SLC38A9: variants seen among roughly 807,000 people sequenced by gnomAD.
SLC38A9 encodes the protein solute carrier family 38 member 9.
A neutral mutation model predicts 62.3 loss-of-function variants in SLC38A9; 48 were observed. That is an observed-to-expected ratio of 0.77 (90% CI 0.61 to 0.98). The LOEUF (loss-of-function observed/expected upper bound fraction) is 0.98. Among genes scored for constraint, SLC38A9 ranks in the 50% least tolerant of loss-of-function variants. SLC38A9 has a pLI of 0.00. For synonymous variants in SLC38A9, 204 were observed against 227.7 expected (o/e 0.90, Z 0.94); for missense variants, 541 against 679.8 (o/e 0.80, Z 2.27).
At chr5:55,711,259 C>G (rs891417089) in intron 2 of SLC38A9, 193 bp downstream of exon 2, 1 of 151,334 alleles carries the variant, frequency 6.6e-6, no homozygotes, top group African/African-American at 2.4e-5. Context: ...CTCCACTGCA[C>G]TCCAGCCTGG....
Position 55,635,536 on chromosome 5 carries a change from T to C in SLC38A9, c.1281+8A>G. On this transcript the variant is annotated splice_region_variant and intron_variant, in intron 13 of 15. Transcript: ENST00000396865. ...ACAATCACACAGAGAGGGTACACGGTGCCTTACCTGCTCAATACAATCTTT... is the reference window on the plus strand; with the variant it reads ...ACAATCACACAGAGAGGGTACACGGCGCCTTACCTGCTCAATACAATCTTT... 1 of 1,585,100 alleles carries C rather than the reference T, an allele frequency of 6.3e-7. No homozygotes were observed. Among genetic ancestry groups the C allele is most frequent in the South Asian group, 1.1e-5 (1 of 90,426 alleles).
chr5:55,670,240 T>C (rs1751085292), intron 4 of SLC38A9, among the ~76,000 whole-genome samples: 1 of 152,090 alleles, frequency 6.6e-6, no homozygotes, highest in Admixed American at 6.6e-5. Context: ...AGTGCTGGGA[T>C]TACAGGCGTA....
In SLC38A9 at chr5:55,669,498, A is replaced by G. The variant is rs190750921; in HGVS notation, c.432+59T>C. Reference sequence around the variant, plus strand: ...GATTTATTAAAACCTCTGTTATAAAACTTACAATATAAAGAGAAAAACATT... The same window carrying G: ...GATTTATTAAAACCTCTGTTATAAAGCTTACAATATAAAGAGAAAAACATT... On this transcript the variant is annotated intron_variant, in intron 6 of 15. Coordinates refer to ENST00000396865, the MANE Select transcript of SLC38A9 (RefSeq NM_173514.4). The G allele has an allele frequency of 4.6e-5, 67 of 1,468,846 alleles. No homozygotes were observed. The African/African-American group carries it at 8.7e-4, about 19-fold the overall frequency. The allele number at this position is 1,468,846 out of a possible 1,614,324, so 91.0% of individuals were successfully genotyped here.
chr5:55,633,722 C>T lies in SLC38A9; in HGVS notation c.1430+32G>A, dbSNP rs550666690. ...GCTTGCACAGTCATTTGTTGCTTGG[C>T]ACATCCTGCTGGTCAAGAGAAGAGC... On this transcript the variant is annotated intron_variant, in intron 14 of 15. Coordinates refer to ENST00000396865, the MANE Select transcript of SLC38A9 (RefSeq NM_173514.4). 11 of 1,613,564 alleles carry T rather than the reference C, an allele frequency of 6.8e-6. No homozygotes were observed. In the South Asian group the frequency reaches 1.2e-4, roughly 18 times the overall value.
At position 55,671,502 on chromosome 5, in the gene SLC38A9, C is replaced by CTTTT. The variant is rs145470405; in HGVS notation, c.246+1060_246+1061insAAAA. ...TGTGTACATATTTCAGTTTCCCATT[C>CTTTT]TTCTTTTTTTTTTTTTTTAAGAGAT... is the stretch of plus-strand genomic sequence containing the variant. On this transcript the variant is annotated intron_variant, in intron 4 of 15. Coordinates refer to ENST00000396865, the MANE Select transcript of SLC38A9 (RefSeq NM_173514.4). 2.3e-4 allele frequency among the ~76,000 whole-genome samples: 33 copies of CTTTT among 144,350 alleles called. 11 individuals carry two copies. The highest frequency in any genetic ancestry group is 2.0e-4 in the East Asian group (1 of 4,956). 94.7% of individuals were successfully genotyped at this position (144,350 alleles called of 152,430 possible).
intron 7 of SLC38A9, among the ~76,000 whole-genome samples, chr5:55,668,029 G>A (rs1029993269): frequency 6.6e-6 from 1 of 152,066 alleles, no homozygotes; most frequent in African/African-American, 2.4e-5. Flanking sequence ...AAAATTAACT[G>A]GGCATGGTGG....
intron 7 of SLC38A9, among the ~76,000 whole-genome samples, chr5:55,667,650 G>A (rs1394887084): frequency 6.6e-6 from 1 of 151,834 alleles, no homozygotes; most frequent in African/African-American, 2.4e-5. Context: ...CTTTCTTTTT[G>A]GTAGTGTCAG....
At chr5:55,684,556 T>G (rs1753480263) in intron 3 of SLC38A9, among the ~76,000 whole-genome samples, 1 of 152,202 alleles carries the variant, frequency 6.6e-6, no homozygotes. Flanking sequence ...ACCTAAAGTT[T>G]ACGTGAAGTC....
chr5:55,649,416 C>T (rs772169278), intron 10 of SLC38A9, 102 bp from the exon 11 acceptor site: 3 of 628,298 alleles, frequency 4.8e-6, no homozygotes, highest in Non-Finnish European at 7.9e-6. Flanking sequence ...GTGTGGGAAA[C>T]TGTTAACTGC....
chr5:55,670,550 C>T (rs115154962), intron 4 of SLC38A9, among the ~76,000 whole-genome samples: 1,610 of 152,256 alleles, frequency 0.011, 25 homozygotes, highest in African/African-American at 0.037. Context: ...TGGATGTATA[C>T]ACACATTCAT....
chr5:55,672,632 G>A lies in SLC38A9; in HGVS notation c.177C>T (p.Asp59=), dbSNP rs1170609845. The change falls in exon 4 of 16, where the codon GAC becomes GAT. Residue 59 remains aspartate, a synonymous_variant. Transcript: ENST00000396865. ...TTCTCTTGTTCATGGCAGAGGCATG[G>A]TCACTAACCCTCTGAATGACATGAT... ...NVNHVIQRVS[D]HASAMNKRIH... is the part of the protein sequence containing the mutation. 1.2e-6 allele frequency: 2 copies of A among 1,613,972 alleles called. No homozygotes were observed. The highest frequency in any genetic ancestry group is 1.1e-5 in the South Asian group (1 of 91,084).
At chr5:55,655,014 T>G (rs1748150496) in intron 9 of SLC38A9, among the ~76,000 whole-genome samples, 1 of 152,092 alleles carries the variant, frequency 6.6e-6, no homozygotes, top group Non-Finnish European at 1.5e-5. Context: ...ATTAAAAATT[T>G]TTTTTTGTAG....
intron 8 of SLC38A9, among the ~76,000 whole-genome samples, chr5:55,662,266 TA>T (rs1341328867): frequency 6.6e-6 from 1 of 152,156 alleles, no homozygotes; most frequent in African/African-American, 2.4e-5. Context: ...CGAGAACAGA[TA>T]AAAAAGTTGT....
intron 3 of SLC38A9, chr5:55,692,826 C>A (rs1754930429): frequency 1.0e-6 from 1 of 984,086 alleles, no homozygotes; most frequent in Non-Finnish European, 1.2e-6. Context: ...GCATTCAAGT[C>A]AGCATTCATT....
chr5:55,655,776 T>G (rs1018520679), intron 9 of SLC38A9, among the ~76,000 whole-genome samples: 5 of 152,160 alleles, frequency 3.3e-5, no homozygotes, highest in Admixed American at 3.3e-4. Flanking sequence ...TCCATCAACA[T>G]GACATCAGTT....
At chr5:55,710,937 T>C (rs1345720806) in intron 2 of SLC38A9, among the ~76,000 whole-genome samples, 2 of 151,666 alleles carry the variant, frequency 1.3e-5, no homozygotes, top group Admixed American at 6.6e-5. Flanking sequence ...TTAAAAAATC[T>C]TTCTCCTCAG....
At chr5:55,673,794 C>T (rs891797718) in intron 3 of SLC38A9, among the ~76,000 whole-genome samples, 7 of 151,612 alleles carry the variant, frequency 4.6e-5, no homozygotes, top group Admixed American at 1.3e-4. Context: ...TCACTGCAAC[C>T]TCCACCTCCT....
intron 10 of SLC38A9, among the ~76,000 whole-genome samples, chr5:55,651,559 C>T (rs1281503447): frequency 1.3e-5 from 2 of 151,926 alleles, no homozygotes; most frequent in African/African-American, 4.8e-5. Context: ...CTTTTGCCAT[C>T]TTAAGTGGAG....
chr5:55,687,165 C>T (rs540094421), intron 3 of SLC38A9, among the ~76,000 whole-genome samples: 21 of 147,588 alleles, frequency 1.4e-4, no homozygotes, highest in African/African-American at 4.5e-4. Context: ...CTAGGCCGGG[C>T]GCGGTGGCTC....
Sources: gnomAD v4.1 joint callset for allele counts (sites outside exome capture counted in the v4.1 genomes callset) on GRCh38, gnomAD v4.1.1 for gene constraint, MANE v1.5 for transcripts, NCBI Gene and HGNC (gene_info 2026-07-23, HGNC 2026-07-21) for gene names.